Variants in UBE2D3 observed in about 807,000 individuals in gnomAD.
UBE2D3 encodes ubiquitin-conjugating enzyme E2 D3.
Under a neutral mutation model 22.8 loss-of-function variants are expected in UBE2D3, and 2 were observed. The observed-to-expected ratio is 0.09, with a 90% CI of 0.04 to 0.28. UBE2D3 has a LOEUF of 0.28. Among genes scored for constraint, UBE2D3 ranks in the 10% least tolerant of loss-of-function variants. The pLI is 1.00. For missense variants in UBE2D3, 27 were observed against 182.5 expected (o/e 0.15, Z 4.91); for synonymous variants, 56 against 60.4 (o/e 0.93, Z 0.34).
rs972158571 is a variant in UBE2D3, at chr4:102,795,294, G to A, written c.*2121C>T. On this transcript the variant is annotated 3_prime_UTR_variant, in exon 8 of 8. Coordinates refer to ENST00000453744, the MANE Select transcript of UBE2D3 (RefSeq NM_181891.3). Reference sequence around the variant, plus strand: ...TTTGAAAGCCAGTTAGGGATCCACCGTGTTTCATAAAAGTGTCTTACACTC... The same window carrying A: ...TTTGAAAGCCAGTTAGGGATCCACCATGTTTCATAAAAGTGTCTTACACTC... 1.3e-5 allele frequency: 2 copies of A among 151,998 alleles called. No individual in the cohort carries two copies. Among genetic ancestry groups the A allele is most frequent in the African/African-American group, 4.8e-5 (2 of 41,434 alleles). 9.4% of individuals were successfully genotyped at this position (151,998 alleles called of 1,614,324 possible). A position where few individuals can be genotyped will look rare whatever the true frequency, so the allele number is the denominator to read the frequency against.
chr4:102,802,019 T>C (rs189811719), intron 5 of UBE2D3: 71 of 156,080 alleles, frequency 4.5e-4, no homozygotes, highest in Non-Finnish European at 8.5e-4. Flanking sequence ...ATAACATTAC[T>C]AGAGATTGTT....
intron 1 of UBE2D3, among the ~76,000 whole-genome samples, chr4:102,859,909 G>A (rs1263786567): frequency 1.5e-4 from 22 of 151,118 alleles, no homozygotes; most frequent in African/African-American, 4.9e-4. Flanking sequence ...GCAGTGGCGT[G>A]ATCTCAGCTC....
chr4:102,821,983 G>A (rs1381083803), intron 2 of UBE2D3, among the ~76,000 whole-genome samples: 6 of 152,208 alleles, frequency 3.9e-5, no homozygotes, highest in South Asian at 2.1e-4. Context: ...TCAGTGTTAC[G>A]AACCTAGTTT....
chr4:102,825,142 G>C (rs960973407), intron 2 of UBE2D3: 1 of 576,910 alleles, frequency 1.7e-6, no homozygotes, highest in Non-Finnish European at 2.2e-6. Context: ...GGCAAATGTA[G>C]TATCAGGTCT....
At chr4:102,862,365 A>C (rs1466398358) in intron 1 of UBE2D3, among the ~76,000 whole-genome samples, 1 of 151,998 alleles carries the variant, frequency 6.6e-6, no homozygotes, top group African/African-American at 2.4e-5. Flanking sequence ...TTAGTTTCTC[A>C]TATGATAATC....
chr4:102,840,028 G>A (rs1731655183), intron 1 of UBE2D3, among the ~76,000 whole-genome samples: 1 of 152,178 alleles, frequency 6.6e-6, no homozygotes. Flanking sequence ...TGAAAAATGT[G>A]TAATATCACT....
chr4:102,833,208 T>A (rs959028591), intron 1 of UBE2D3, among the ~76,000 whole-genome samples: 16 of 152,060 alleles, frequency 1.1e-4, no homozygotes, highest in Non-Finnish European at 2.1e-4. Flanking sequence ...TGCCACAATT[T>A]CATTTCTTTT....
chr4:102,827,229 G>A, intron 1 of UBE2D3, 198 bp downstream of exon 1: 2 of 980,436 alleles, frequency 2.0e-6, no homozygotes, highest in Non-Finnish European at 1.2e-6. Flanking sequence ...TGAGGCTCCG[G>A]CTTAGGCGCG....
At chr4:102,821,538 A>G (rs892319936) in intron 2 of UBE2D3, among the ~76,000 whole-genome samples, 2 of 152,132 alleles carry the variant, frequency 1.3e-5, no homozygotes, top group East Asian at 1.9e-4. Context: ...AGAATCACCT[A>G]GAAAATTTTC....
chr4:102,820,676 T>A (rs1424655195), intron 2 of UBE2D3, among the ~76,000 whole-genome samples: 1 of 152,154 alleles, frequency 6.6e-6, no homozygotes, highest in South Asian at 2.1e-4. Flanking sequence ...AAATTTAGAT[T>A]TGAAGCTCTG....
intron 2 of UBE2D3, among the ~76,000 whole-genome samples, chr4:102,814,065 AC>A (rs1728445655): frequency 6.6e-6 from 1 of 152,158 alleles, no homozygotes; most frequent in Non-Finnish European, 1.5e-5. Flanking sequence ...GTATAGATAT[AC>A]CCTCATGTCT....
chr4:102,799,775 T>A (rs889838593), intron 6 of UBE2D3, among the ~76,000 whole-genome samples: 1 of 140,592 alleles, frequency 7.1e-6, no homozygotes, highest in East Asian at 2.3e-4. Context: ...TATTAATATA[T>A]ATATTTTAAA....
At chr4:102,826,160 C>T (rs1398993453) in intron 2 of UBE2D3, among the ~76,000 whole-genome samples, 1 of 152,048 alleles carries the variant, frequency 6.6e-6, no homozygotes, top group Non-Finnish European at 1.5e-5. Flanking sequence ...CGTCTCTCCG[C>T]AATTCGGACC....
intron 1 of UBE2D3, among the ~76,000 whole-genome samples, chr4:102,848,585 C>A (rs192190950): frequency 1.3e-5 from 2 of 152,026 alleles, no homozygotes; most frequent in Admixed American, 1.3e-4. Context: ...GCGGAGGATG[C>A]AGTGAGCCGA....
At chr4:102,815,873 A>C (rs1728717768) in intron 2 of UBE2D3, among the ~76,000 whole-genome samples, 1 of 152,192 alleles carries the variant, frequency 6.6e-6, no homozygotes, top group South Asian at 2.1e-4. Flanking sequence ...TAAAGATAAA[A>C]ATGCTGTTCT....
At chr4:102,800,520 T>C (rs1005182367) in intron 6 of UBE2D3, among the ~76,000 whole-genome samples, 1 of 152,072 alleles carries the variant, frequency 6.6e-6, no homozygotes, top group South Asian at 2.1e-4. Context: ...CCAGCAGTAG[T>C]AGAAAAACTT....
Position 102,803,807 on chromosome 4 carries a change from C to T in UBE2D3, c.121-1169G>A, listed in dbSNP as rs1369399665. Among the ~76,000 whole-genome samples the T allele has an allele frequency of 8.5e-5, 13 of 152,336 alleles. No individual in the cohort carries two copies. In the East Asian group the frequency reaches 9.6e-4, roughly 11 times the overall value. ...TATTTGAGACGGAGTCTCACTCTGT[C>T]GCTCAGGCTTAAGCGCAGTGGCACG... On this transcript the variant is annotated intron_variant, in intron 4 of 7. Coordinates refer to ENST00000453744, the MANE Select transcript of UBE2D3 (RefSeq NM_181891.3).
intron 4 of UBE2D3, among the ~76,000 whole-genome samples, chr4:102,807,928 T>C (rs1313928881): frequency 6.6e-6 from 1 of 152,232 alleles, no homozygotes; most frequent in East Asian, 1.9e-4. Context: ...AGTTAGTTTA[T>C]TCTGCACACC....
chr4:102,825,955 C>G (rs967715703), intron 2 of UBE2D3: 1 of 338,756 alleles, frequency 3.0e-6, no homozygotes, highest in Non-Finnish European at 5.9e-6. Flanking sequence ...AGAGTTTCTA[C>G]TAGACTCACT....
Sources: allele counts gnomAD v4.1 joint callset (sites outside exome capture counted in the v4.1 genomes callset), GRCh38; gene constraint gnomAD v4.1.1; transcripts MANE v1.5; gene names NCBI Gene and HGNC (gene_info 2026-07-23, HGNC 2026-07-21).